The following OR2L5 variants were observed in gnomAD, a reference collection of about 807,000 sequenced individuals.
OR2L5 encodes olfactory receptor family 2 subfamily L member 5, also known as olfactory receptor 2L5.
For synonymous variants in OR2L5, 169 were observed against 142.0 expected, an observed-to-expected ratio of 1.19 and a Z score of -1.35; for missense variants, 413 against 381.6, an observed-to-expected ratio of 1.08 and a Z score of -0.69.
rs913571291 is a variant in OR2L5 at position 248,023,360 on chromosome 1, G to T, written c.*474G>T. 1 of 152,256 alleles carries T rather than the reference G, an allele frequency of 6.6e-6. No individual in the cohort carries two copies. Among genetic ancestry groups the T allele is most frequent in the East Asian group, 1.9e-4 (1 of 5,182 alleles). 9.4% of individuals were successfully genotyped at this position (152,256 alleles called of 1,614,324 possible). ...TGATTTATTAATAAATTTACCTCAG[G>T]ATAAATAAGTATGTCTGGGGTGAAG... On this transcript the variant is annotated 3_prime_UTR_variant, in exon 2 of 2. Coordinates refer to ENST00000355281, the MANE Select transcript of OR2L5 (RefSeq NM_001258284.2).
intron 1 of OR2L5, among the ~76,000 whole-genome samples, chr1:248,020,442 G>T (rs901695296): frequency 2.0e-5 from 3 of 152,244 alleles, no homozygotes; most frequent in Admixed American, 6.5e-5. Context: ...GCCAAGCAGA[G>T]ATTCTAAGCA....
intron 1 of OR2L5, among the ~76,000 whole-genome samples, chr1:248,021,530 C>T (rs183546318): frequency 5.3e-5 from 8 of 152,064 alleles, no homozygotes; most frequent in Admixed American, 3.3e-4. Context: ...CAGTCATAGC[C>T]CAATGTTGCA....
At position 248,022,101 on chromosome 1, in the gene OR2L5, A is replaced by C. The variant is rs1662351363; in HGVS notation, c.154A>C (p.Thr52Pro). The C allele has an allele frequency of 6.2e-7, 1 of 1,613,706 alleles. No homozygotes were observed. Among genetic ancestry groups the C allele is most frequent in the African/African-American group, 1.3e-5 (1 of 74,850 alleles). The change falls in exon 2 of 2, where the codon ACC becomes CCC. Residue 52 changes from threonine (T) to proline (P), a missense_variant. Physicochemically the swap from Thr to Pro is conservative, Grantham distance 38. Transcript: ENST00000355281. The stretch of plus-strand genomic sequence containing the variant: ...CATGATTCTTCTCATCTTCTTGGAC[A>C]CCCATCTCCACACACCCATGTATTT... ...LSMILLIFLD[T>P]HLHTPMYFLL... is the part of the protein sequence containing the mutation.
chr1:248,013,705 C>G lies in OR2L5; in HGVS notation c.-55C>G, dbSNP rs928530775. On this transcript the variant is annotated 5_prime_UTR_variant, in exon 1 of 2. Transcript: ENST00000355281. ...TACGACTGCTGGCAGCCAACAAAGGCAGTGCGTGTTTGAAATTGAGGAGAT... is the reference window on the plus strand; with the variant it reads ...TACGACTGCTGGCAGCCAACAAAGGGAGTGCGTGTTTGAAATTGAGGAGAT... The G allele has an allele frequency of 4.8e-4, 73 of 152,198 alleles. No individual in the cohort carries two copies. The highest frequency in any genetic ancestry group is 1.6e-3 in the African/African-American group (65 of 41,518). The allele number at this position is 152,198 out of a possible 1,614,324, so 9.4% of individuals were successfully genotyped here.
chr1:248,014,312 G>A (rs1662140413), intron 1 of OR2L5, among the ~76,000 whole-genome samples: 1 of 152,070 alleles, frequency 6.6e-6, no homozygotes, highest in Admixed American at 6.6e-5. Context: ...TTACCAGTCT[G>A]TAGAGCAATG....
chr1:248,022,114 C>T lies in OR2L5; in HGVS notation c.167C>T (p.Thr56Ile), dbSNP rs770951439. ...LLIFLDTHLH[T>I]PMYFLLSQLS... is the part of the protein sequence containing the mutation. ...ATCTTCTTGGACACCCATCTCCACA[C>T]ACCCATGTATTTCCTGCTTAGTCAG... Residue 56 changes from threonine (T) to isoleucine (I), a missense_variant, in exon 2 of 2, where the codon ACA becomes ATA. Transcript: ENST00000355281. The T allele has an allele frequency of 6.2e-7, 1 of 1,613,968 alleles. No homozygotes were observed. The highest frequency in any genetic ancestry group is 1.1e-5 in the South Asian group (1 of 91,076).
chr1:248,016,253 A>G (rs1405345323), intron 1 of OR2L5, among the ~76,000 whole-genome samples: 1 of 152,202 alleles, frequency 6.6e-6, no homozygotes, highest in Non-Finnish European at 1.5e-5. Flanking sequence ...TAGAATTGTA[A>G]TTATTATGCT....
intron 1 of OR2L5, among the ~76,000 whole-genome samples, chr1:248,018,184 C>CT (rs1403791617): frequency 6.6e-6 from 1 of 151,012 alleles, no homozygotes; most frequent in Non-Finnish European, 1.5e-5. Context: ...CGTTATTTTT[C>CT]TTTTTTAAAA....
chr1:248,019,971 A>G (rs1454645148), intron 1 of OR2L5, among the ~76,000 whole-genome samples: 3 of 152,082 alleles, frequency 2.0e-5, no homozygotes, highest in Non-Finnish European at 4.4e-5. Flanking sequence ...TATTTTTTGT[A>G]GAAACAGGAT....
chr1:248,020,356 C>T (rs537585941), intron 1 of OR2L5, among the ~76,000 whole-genome samples: 80 of 152,186 alleles, frequency 5.3e-4, no homozygotes, highest in African/African-American at 1.9e-3. Flanking sequence ...ACTCCTAGAA[C>T]TAAAAAAGGA....
At chr1:248,019,863 T>G (rs1662293823) in intron 1 of OR2L5, among the ~76,000 whole-genome samples, 2 of 152,084 alleles carry the variant, frequency 1.3e-5, no homozygotes, top group African/African-American at 4.8e-5. Flanking sequence ...CTTGGCTCAC[T>G]GCAACCTCGG....
intron 1 of OR2L5, among the ~76,000 whole-genome samples, chr1:248,016,919 G>A (rs1263050989): frequency 2.0e-5 from 3 of 152,084 alleles, no homozygotes; most frequent in African/African-American, 7.2e-5. Context: ...TGAAGAGCTT[G>A]TTATTAGGAT....
intron 1 of OR2L5, among the ~76,000 whole-genome samples, chr1:248,015,593 A>T (rs773320145): frequency 6.6e-6 from 1 of 152,156 alleles, no homozygotes; most frequent in Non-Finnish European, 1.5e-5. Flanking sequence ...ACTTTCTGGA[A>T]GTTTCAGAGT....
At position 248,023,819 on chromosome 1, in the gene OR2L5, G is replaced by A; in HGVS notation, c.*933G>A. ...TTTAGTCTCTGAGGAGAGGAGGCAA[G>A]AAGGAAGGTAGAATGAACAAGTAAG... On this transcript the variant is annotated 3_prime_UTR_variant, in exon 2 of 2. Coordinates refer to ENST00000355281, the MANE Select transcript of OR2L5 (RefSeq NM_001258284.2). 1 of 152,142 alleles carries A rather than the reference G, an allele frequency of 6.6e-6. No homozygotes were observed. The highest frequency in any genetic ancestry group is 1.9e-4 in the East Asian group (1 of 5,196). The allele number at this position is 152,142 out of a possible 1,614,324, so 9.4% of individuals were successfully genotyped here.
At chr1:248,021,497 T>G (rs1662334017) in intron 1 of OR2L5, among the ~76,000 whole-genome samples, 1 of 152,186 alleles carries the variant, frequency 6.6e-6, no homozygotes, top group Admixed American at 6.5e-5. Context: ...AAATGAACAC[T>G]TCATAAATTA....
intron 1 of OR2L5, among the ~76,000 whole-genome samples, chr1:248,018,462 C>T (rs1263691153): frequency 3.3e-5 from 5 of 152,266 alleles, no homozygotes; most frequent in African/African-American, 1.2e-4. Context: ...TGATCTCATA[C>T]TGTTTCCAAA....
Position 248,022,560 on chromosome 1 carries a change from T to A in OR2L5, c.613T>A (p.Phe205Ile), listed in dbSNP as rs1163918189. 6.2e-7 allele frequency: 1 copy of A among 1,614,210 alleles called. No homozygotes were observed. The highest frequency in any genetic ancestry group is 1.7e-5 in the Admixed American group (1 of 60,008). Residue 205 changes from phenylalanine to isoleucine, a missense_variant, in exon 2 of 2, where the codon TTT (phenylalanine) becomes ATT (isoleucine). Coordinates refer to ENST00000355281, the MANE Select transcript of OR2L5 (RefSeq NM_001258284.2). ...EYTVFLSSTI[F>I]LVFPFTGIAC... ...CACAGTGTTTTTGAGCAGCACCATC[T>A]TTCTTGTGTTTCCCTTCACTGGCAT...
intron 1 of OR2L5, among the ~76,000 whole-genome samples, chr1:248,016,061 G>C (rs922350416): frequency 6.6e-6 from 1 of 152,106 alleles, no homozygotes; most frequent in Non-Finnish European, 1.5e-5. Flanking sequence ...TTATGATAAT[G>C]AGACTATCAC....
At position 248,022,992 on chromosome 1, in the gene OR2L5, A is replaced by G; in HGVS notation, c.*106A>G. 4 of 1,036,146 alleles carry G rather than the reference A, an allele frequency of 3.9e-6. No individual in the cohort carries two copies. Among genetic ancestry groups the G allele is most frequent in the Non-Finnish European group, 5.6e-6 (4 of 716,394 alleles). 64.2% of individuals were successfully genotyped at this position (1,036,146 alleles called of 1,614,324 possible). ...ATGCCCAGTATGTCAAACAGAGATTAATCCAGAATGTTTGTCTTTTAATTT... is the reference window on the plus strand; with the variant it reads ...ATGCCCAGTATGTCAAACAGAGATTGATCCAGAATGTTTGTCTTTTAATTT... On this transcript the variant is annotated 3_prime_UTR_variant, in exon 2 of 2. Coordinates refer to ENST00000355281, the MANE Select transcript of OR2L5 (RefSeq NM_001258284.2).
Sources: gnomAD v4.1 joint callset for allele counts (sites outside exome capture counted in the v4.1 genomes callset) on GRCh38, gnomAD v4.1.1 for gene constraint, MANE v1.5 for transcripts, NCBI Gene and HGNC (gene_info 2026-07-23, HGNC 2026-07-21) for gene names.